The following FBN2 variants were observed in gnomAD, a reference collection of about 807,000 sequenced individuals.
FBN2 encodes fibrillin-2.
In FBN2, 105 loss-of-function variants were observed where a neutral mutation model predicts 355.6. The ratio of observed to expected loss-of-function variants is 0.30; its 90% CI spans 0.25 to 0.35. The LOEUF is 0.35. Among genes scored for constraint, FBN2 ranks in the 10% least tolerant of loss-of-function variants. The pLI, the probability that FBN2 is intolerant of heterozygous loss-of-function variation, is 1.00. For synonymous variants in FBN2, 1,350 were observed against 1,301.2 expected (o/e 1.04, Z -0.81); for missense variants, 3,280 against 3,758.7 (o/e 0.87, Z 3.33).
chr5:128,451,619 C>T (rs577905114), intron 6 of FBN2, among the ~76,000 whole-genome samples: 126 of 152,134 alleles, frequency 8.3e-4, no homozygotes, highest in Middle Eastern at 3.4e-3. Flanking sequence ...AGGCTGGTCT[C>T]GAACTCCTGA....
chr5:128,312,242 G>T (rs1750076511), intron 37 of FBN2, among the ~76,000 whole-genome samples: 1 of 152,102 alleles, frequency 6.6e-6, no homozygotes, highest in Admixed American at 6.5e-5. Context: ...AACAGGCTTT[G>T]GTTCATGTTC....
intron 5 of FBN2, among the ~76,000 whole-genome samples, chr5:128,469,184 A>T (rs1754789662): frequency 6.6e-6 from 1 of 152,166 alleles, no homozygotes; most frequent in Non-Finnish European, 1.5e-5. Flanking sequence ...GAGTTAATTT[A>T]CAGTTTGTTG....
At chr5:128,463,390 G>A (rs989109751) in intron 6 of FBN2, among the ~76,000 whole-genome samples, 3 of 152,040 alleles carry the variant, frequency 2.0e-5, no homozygotes, top group African/African-American at 7.2e-5. Context: ...CCTGAGCTGT[G>A]TTCATCACTA....
intron 11 of FBN2, among the ~76,000 whole-genome samples, chr5:128,381,906 T>C (rs1752243956): frequency 6.6e-6 from 1 of 152,108 alleles, no homozygotes; most frequent in African/African-American, 2.4e-5. Context: ...CTTGTAGCCC[T>C]GTACCTAGTT....
At position 128,304,951 on chromosome 5, in the gene FBN2, T is replaced by A. The variant is rs2126838039; in HGVS notation, c.5800+6A>T. ...TTCACTCCCTGGAGCCACATGCCCT[T>A]CTTACCCATGCACATGGTCTGGTCC... On this transcript the variant is annotated splice_donor_region_variant and intron_variant, in intron 45 of 64. Transcript: ENST00000262464. 6.2e-7 allele frequency: 1 copy of A among 1,613,968 alleles called. No individual in the cohort carries two copies. The highest frequency in any genetic ancestry group is 8.5e-7 in the Non-Finnish European group (1 of 1,179,932).
chr5:128,437,737 CTAGATAGATAAA>C (rs1753805800), intron 7 of FBN2, among the ~76,000 whole-genome samples: 1 of 150,364 alleles, frequency 6.7e-6, no homozygotes, highest in Non-Finnish European at 1.5e-5. Context: ...AGAGAGTAGT[CTAGATAGATAAA>C]TAGATAGATA....
chr5:128,517,402 G>A (rs1756308164), intron 5 of FBN2, among the ~76,000 whole-genome samples: 1 of 152,094 alleles, frequency 6.6e-6, no homozygotes, highest in Admixed American at 6.5e-5. Flanking sequence ...CGTTATCTAA[G>A]AAATGTGTGT....
At chr5:128,477,068 GT>G (rs981975113) in intron 5 of FBN2, among the ~76,000 whole-genome samples, 1 of 152,170 alleles carries the variant, frequency 6.6e-6, no homozygotes, top group Non-Finnish European at 1.5e-5. Context: ...ACCAATGTGG[GT>G]TTTTTTAAAT....
rs772192598 is a variant in FBN2 at position 128,464,951 on chromosome 5, G to C, written c.629-30C>G. The C allele has an allele frequency of 1.9e-6, 3 of 1,603,606 alleles. No homozygotes were observed. In the Admixed American group the frequency reaches 5.0e-5, roughly 27 times the overall value. ...AATGTGGGAGAAGAAAGAAAGACAG[G>C]TTTTATGATCATATACTAATCTTAT... On this transcript the variant is annotated intron_variant, in intron 5 of 64. Coordinates refer to ENST00000262464, the MANE Select transcript of FBN2 (RefSeq NM_001999.4).
intron 7 of FBN2, among the ~76,000 whole-genome samples, chr5:128,425,194 T>C (rs903181918): frequency 1.3e-5 from 2 of 152,164 alleles, no homozygotes; most frequent in African/African-American, 4.8e-5. Flanking sequence ...TTTAAAATAC[T>C]GAAGACTTAA....
At chr5:128,337,936 C>A in intron 27 of FBN2, 61 bp downstream of exon 27, 1 of 1,592,634 alleles carries the variant, frequency 6.3e-7, no homozygotes. Context: ...TTTGTCAGAA[C>A]TGATCCCTGG....
At chr5:128,442,648 A>G (rs1193696780) in intron 7 of FBN2, among the ~76,000 whole-genome samples, 1 of 152,212 alleles carries the variant, frequency 6.6e-6, no homozygotes, top group African/African-American at 2.4e-5. Context: ...CAGCAGAAAT[A>G]AACATGGCTG....
Position 128,311,963 on chromosome 5 carries a change from A to G in FBN2, c.4880-10T>C. On this transcript the variant is annotated splice_polypyrimidine_tract_variant and intron_variant, in intron 37 of 64. Transcript: ENST00000262464. ...AGGGTGTAATATTCAGCTACAAAACAATAGAAAAATAAGAGGTTTGATACC... is the reference window on the plus strand; with the variant it reads ...AGGGTGTAATATTCAGCTACAAAACGATAGAAAAATAAGAGGTTTGATACC... 6.3e-7 allele frequency: 1 copy of G among 1,597,884 alleles called. No individual in the cohort carries two copies. Among genetic ancestry groups the G allele is most frequent in the Non-Finnish European group, 8.6e-7 (1 of 1,165,608 alleles).
At position 128,389,954 on chromosome 5, in the gene FBN2, A is replaced by G. The variant is rs144566360; in HGVS notation, c.1603+2064T>C. Among the ~76,000 whole-genome samples, 249 of 152,160 alleles carry G rather than the reference A, an allele frequency of 1.6e-3. 2 individuals are homozygous for G. The highest frequency in any genetic ancestry group is 5.7e-3 in the African/African-American group (237 of 41,496). The stretch of plus-strand genomic sequence containing the variant: ...CTTCTTGATGGTCTGATCTTTCAGT[A>G]GGAAATGCTCTTCCTGGCTGTGTCT... On this transcript the variant is annotated intron_variant, in intron 11 of 64. Transcript: ENST00000262464.
intron 7 of FBN2, among the ~76,000 whole-genome samples, chr5:128,426,261 T>C (rs1161828043): frequency 6.6e-6 from 1 of 152,202 alleles, no homozygotes; most frequent in African/African-American, 2.4e-5. Context: ...AATTCTCAAG[T>C]GCGCCCACAC....
At chr5:128,495,034 T>C (rs1755618294) in intron 5 of FBN2, among the ~76,000 whole-genome samples, 1 of 152,004 alleles carries the variant, frequency 6.6e-6, no homozygotes, top group Non-Finnish European at 1.5e-5. Context: ...AAGGAAGCCA[T>C]GCTGAAAAAA....
intron 61 of FBN2, among the ~76,000 whole-genome samples, 181 bp downstream of exon 61, chr5:128,273,659 T>C (rs189988171): frequency 6.6e-6 from 1 of 152,354 alleles, no homozygotes; most frequent in East Asian, 1.9e-4. Flanking sequence ...TCACTGCATT[T>C]AGGTTTCCCT....
Position 128,350,852 on chromosome 5 carries a change from C to T in FBN2, c.2812+16G>A. The T allele has an allele frequency of 6.2e-7, 1 of 1,613,954 alleles. No homozygotes were observed. Among genetic ancestry groups the T allele is most frequent in the Non-Finnish European group, 8.5e-7 (1 of 1,179,994 alleles). ...TTTCCAAGGAGAAGCCCAGAAGCTC[C>T]CAATAAGGCTCCTACCTAGTTCACA... On this transcript the variant is annotated intron_variant, in intron 21 of 64. Coordinates refer to ENST00000262464, the MANE Select transcript of FBN2 (RefSeq NM_001999.4).
chr5:128,449,904 T>C (rs1178931556), intron 6 of FBN2, among the ~76,000 whole-genome samples: 1 of 152,110 alleles, frequency 6.6e-6, no homozygotes, highest in Non-Finnish European at 1.5e-5. Flanking sequence ...TAAGTAGTAC[T>C]CATCACGACA....
Sources: allele counts gnomAD v4.1 joint callset (sites outside exome capture counted in the v4.1 genomes callset), GRCh38; gene constraint gnomAD v4.1.1; transcripts MANE v1.5; gene names NCBI Gene and HGNC (gene_info 2026-07-23, HGNC 2026-07-21).